Variants in TGM7 observed in about 807,000 individuals in gnomAD.
TGM7 encodes the protein transglutaminase 7, also known as protein-glutamine gamma-glutamyltransferase Z.
In TGM7, 74 loss-of-function variants were observed where a neutral mutation model predicts 79.5. That is an observed-to-expected ratio of 0.93 (90% confidence interval 0.77 to 1.13). The LOEUF (loss-of-function observed/expected upper bound fraction) is 1.13, where lower values mean the gene tolerates loss of function less well. Among genes scored for constraint, TGM7 ranks in the 50% most tolerant of loss-of-function variants. TGM7 has a pLI of 0.00. For missense variants in TGM7, 912 were observed against 905.9 expected, an observed-to-expected ratio of 1.01 and a Z score of -0.09; for synonymous variants, 354 against 362.5, an observed-to-expected ratio of 0.98 and a Z score of 0.27.
rs2042877182 is a variant in TGM7, at chr15:43,276,402, G to T, written c.*53C>A. ...AGCCAAGACGACATAGCCAGGAGTA[G>T]AAAGGAGCCAGGTGGGGCAGGGGTG... On this transcript the variant is annotated 3_prime_UTR_variant, in exon 13 of 13. Transcript: ENST00000452443. The T allele has an allele frequency of 6.4e-7, 1 of 1,573,540 alleles. No homozygotes were observed. Among genetic ancestry groups the T allele is most frequent in the Admixed American group, 1.8e-5 (1 of 54,976 alleles).
At chr15:43,299,765 A>G (rs2043017316) in intron 1 of TGM7, among the ~76,000 whole-genome samples, 2 of 152,198 alleles carry the variant, frequency 1.3e-5, no homozygotes, top group African/African-American at 4.8e-5. Flanking sequence ...TAGGACTTTT[A>G]CAAATACGTT....
intron 1 of TGM7, among the ~76,000 whole-genome samples, chr15:43,297,387 A>G (rs1421901569): frequency 6.6e-6 from 1 of 151,846 alleles, no homozygotes; most frequent in African/African-American, 2.4e-5. Flanking sequence ...TGGGAGGCGG[A>G]GTTTGCAGTG....
At chr15:43,292,617 G>T (rs2042969009) in intron 3 of TGM7, 92 bp downstream of exon 3, 2 of 1,505,844 alleles carry the variant, frequency 1.3e-6, no homozygotes, top group Non-Finnish European at 1.8e-6. Flanking sequence ...GCATAGCTAT[G>T]TGGCGATTTA....
Position 43,282,632 on chromosome 15 carries a change from A to G in TGM7, c.1005-12T>C, listed in dbSNP as rs556384217. 2 of 1,579,912 alleles carry G rather than the reference A, an allele frequency of 1.3e-6. No homozygotes were observed. Among genetic ancestry groups the G allele is most frequent in the African/African-American group, 2.7e-5 (2 of 74,550 alleles). ...AGACGTGGAAGTTCCTGCAGGAGGG[A>G]GTAAGGAGACAAGGATTCATGTTAG... On this transcript the variant is annotated splice_polypyrimidine_tract_variant and intron_variant, in intron 7 of 12. Coordinates refer to ENST00000452443, the MANE Select transcript of TGM7 (RefSeq NM_052955.3).
At chr15:43,283,368 A>G (rs921837559) in intron 7 of TGM7, among the ~76,000 whole-genome samples, 3 of 152,206 alleles carry the variant, frequency 2.0e-5, no homozygotes, top group Non-Finnish European at 4.4e-5. Context: ...GTGATCACAC[A>G]CTGCATTCAG....
intron 4 of TGM7, among the ~76,000 whole-genome samples, chr15:43,288,234 T>G (rs1289481799): frequency 6.6e-6 from 1 of 152,200 alleles, no homozygotes; most frequent in African/African-American, 2.4e-5. Flanking sequence ...GTCACAATGC[T>G]TTGGCTGCCA....
At chr15:43,279,091 A>G in intron 11 of TGM7, 26 bp downstream of exon 11, 1 of 1,597,482 alleles carries the variant, frequency 6.3e-7, no homozygotes, top group Non-Finnish European at 8.5e-7. Context: ...AGAGCCTCAG[A>G]GCCCCCACCC....
intron 4 of TGM7, among the ~76,000 whole-genome samples, chr15:43,288,747 C>T (rs554934940): frequency 4.6e-5 from 7 of 152,088 alleles, no homozygotes; most frequent in Admixed American, 2.0e-4. Flanking sequence ...CTGGCCAACA[C>T]GGTGAAACCC....
intron 9 of TGM7, among the ~76,000 whole-genome samples, 164 bp from the exon 10 acceptor site, chr15:43,280,115 T>G (rs549381493): frequency 3.3e-5 from 5 of 152,260 alleles, no homozygotes; most frequent in African/African-American, 1.2e-4. Context: ...CTTTAATCTC[T>G]CAGTGTTCTG....
rs1393925192 is a variant in TGM7 at position 43,292,846 on chromosome 15, A to C, written c.302T>G (p.Leu101Arg). ...ASDFTIDSNS[L>R]QVSLFTPANA... ...GGCTGGTGTGAAAAGGGAAACTTGG[A>C]GAGAGTTGGAGTCAATGGTGAAATC... Residue 101 changes from leucine (L) to arginine (R), a missense_variant, in exon 3 of 13, where the codon CTC (leucine) becomes CGC (arginine). Transcript: ENST00000452443. 3.1e-6 allele frequency: 5 copies of C among 1,613,950 alleles called. No homozygotes were observed.
Position 43,279,391 on chromosome 15 carries a change from TGA to T in TGM7, c.1679-116_1679-115del. 3 of 1,270,362 alleles carry T rather than the reference TGA, an allele frequency of 2.4e-6. No homozygotes were observed. The South Asian group carries it at 4.3e-5, about 18-fold the overall frequency. The allele number at this position is 1,270,362 out of a possible 1,614,324, so 78.7% of individuals were successfully genotyped here. A position where few individuals can be genotyped will look rare whatever the true frequency, so the allele number is the denominator to read the frequency against. The stretch of plus-strand genomic sequence containing the variant: ...TTCACGTGAGAGGTAAAAGTGTGTG[TGA>T]GAGACAGACAGACAGCGTCCCACCA... On this transcript the variant is annotated intron_variant, in intron 10 of 12. Coordinates refer to ENST00000452443, the MANE Select transcript of TGM7 (RefSeq NM_052955.3).
Position 43,291,963 on chromosome 15 carries a change from T to G in TGM7, c.558+16A>C, listed in dbSNP as rs774833178. ...TAGGGAGCCCACCCCAGGCCCACATTGGGTAATAGTGTTACCTGCCCGTAG... is the reference window on the plus strand; with the variant it reads ...TAGGGAGCCCACCCCAGGCCCACATGGGGTAATAGTGTTACCTGCCCGTAG... On this transcript the variant is annotated intron_variant, in intron 4 of 12. Coordinates refer to ENST00000452443, the MANE Select transcript of TGM7 (RefSeq NM_052955.3). The G allele has an allele frequency of 6.3e-7, 1 of 1,598,380 alleles. No homozygotes were observed. Among genetic ancestry groups the G allele is most frequent in the African/African-American group, 1.3e-5 (1 of 74,488 alleles).
intron 7 of TGM7, 121 bp downstream of exon 7, chr15:43,284,693 G>T (rs2042925929): frequency 2.4e-6 from 3 of 1,226,230 alleles, no homozygotes; most frequent in Non-Finnish European, 3.5e-6. Context: ...TCTTCTCTGA[G>T]CATTAGCAGC....
At chr15:43,277,121 G>T in intron 11 of TGM7, 126 bp from the exon 12 acceptor site, 1 of 1,249,794 alleles carries the variant, frequency 8.0e-7, no homozygotes, top group South Asian at 1.4e-5. Flanking sequence ...ATGTGCCACA[G>T]TGGCGAGGGA....
At position 43,292,632 on chromosome 15, in the gene TGM7, C is replaced by T. The variant is rs867352279; in HGVS notation, c.439+77G>A. 1.5e-5 allele frequency: 23 copies of T among 1,562,102 alleles called. No individual in the cohort carries two copies. In the African/African-American group the frequency reaches 2.2e-4, roughly 15 times the overall value. ...GCATAGCTATGTGGCGATTTATTTT[C>T]TGGGCTTTTTCCAAAGAACCTCACA... On this transcript the variant is annotated intron_variant, in intron 3 of 12. Transcript: ENST00000452443.
Position 43,276,450 on chromosome 15 carries a change from G to A in TGM7, c.*5C>T, listed in dbSNP as rs576413038. On this transcript the variant is annotated 3_prime_UTR_variant, in exon 13 of 13. Coordinates refer to ENST00000452443, the MANE Select transcript of TGM7 (RefSeq NM_052955.3). ...GTGCCAGGGAGGGCAGCTGGAGGGC[G>A]GGTCTCAGGGAGCCCCAGCCACAGT... is the stretch of plus-strand genomic sequence containing the variant. 5.0e-5 allele frequency: 80 copies of A among 1,609,660 alleles called. No individual in the cohort carries two copies. The highest frequency in any genetic ancestry group is 1.8e-4 in the East Asian group (8 of 44,806).
intron 4 of TGM7, among the ~76,000 whole-genome samples, chr15:43,288,434 C>T (rs2142411649): frequency 6.6e-6 from 1 of 151,994 alleles, no homozygotes; most frequent in South Asian, 2.1e-4. Flanking sequence ...GAAACGTTGC[C>T]CAGAGCCAAG....
At chr15:43,295,849 A>G (rs1434429416) in intron 1 of TGM7, among the ~76,000 whole-genome samples, 1 of 152,230 alleles carries the variant, frequency 6.6e-6, no homozygotes, top group Non-Finnish European at 1.5e-5. Flanking sequence ...AATTGGTACA[A>G]AGTTGTTAAA....
intron 11 of TGM7, 87 bp from the exon 12 acceptor site, chr15:43,277,082 C>G (rs576314615): frequency 2.0e-6 from 3 of 1,537,832 alleles, no homozygotes; most frequent in Non-Finnish European, 2.6e-6. Flanking sequence ...AGGTCCCTGG[C>G]GACCACCAGG....
Sources: gnomAD v4.1 joint callset for allele counts (sites outside exome capture counted in the v4.1 genomes callset) on GRCh38, gnomAD v4.1.1 for gene constraint, MANE v1.5 for transcripts, NCBI Gene and HGNC (gene_info 2026-07-23, HGNC 2026-07-21) for gene names.